CDK19: variants seen among roughly 807,000 people sequenced by gnomAD.
The protein encoded by CDK19 is cyclin-dependent kinase 19.
A neutral mutation model predicts 68.3 loss-of-function variants in CDK19; 20 were observed. The ratio of observed to expected loss-of-function variants is 0.29; its 90% CI spans 0.21 to 0.43. The LOEUF (loss-of-function observed/expected upper bound fraction) is 0.43, where lower values mean the gene tolerates loss of function less well. Among genes scored for constraint, CDK19 ranks in the 20% least tolerant of loss-of-function variants. The probability of loss-of-function intolerance (pLI) is 1.00; values close to 1 mark genes in which losing one functional copy is unlikely to be tolerated. For synonymous variants in CDK19, 221 were observed against 222.8 expected, an observed-to-expected ratio of 0.99 and a Z score of 0.07; for missense variants, 339 against 623.5, an observed-to-expected ratio of 0.54 and a Z score of 4.86.
chr6:110,794,896 T>G (rs189083540), intron 1 of CDK19, among the ~76,000 whole-genome samples: 1 of 152,146 alleles, frequency 6.6e-6, no homozygotes. Flanking sequence ...GTAGAACATA[T>G]CTTTAACATA....
chr6:110,628,984 A>G (rs558910666), intron 6 of CDK19, among the ~76,000 whole-genome samples: 1 of 152,214 alleles, frequency 6.6e-6, no homozygotes, highest in African/African-American at 2.4e-5. Context: ...CTCAGCATCC[A>G]TTTCTGAATT....
At position 110,612,698 on chromosome 6, in the gene CDK19, C is replaced by T. The variant is rs2691197; in HGVS notation, c.*1837G>A. The T allele has an allele frequency of 0.25, 37,920 of 152,186 alleles. 4,947 individuals carry two copies. The highest frequency in any genetic ancestry group is 0.37 in the East Asian group (1,908 of 5,158). The allele number at this position is 152,186 out of a possible 1,614,324, so 9.4% of individuals were successfully genotyped here. On this transcript the variant is annotated 3_prime_UTR_variant, in exon 13 of 13. Transcript: ENST00000368911. ...GGCAGCTACATTATGCAGAGGGCTG[C>T]TAATTTCTTATTTTAAAAAATGGAA...
intron 2 of CDK19, among the ~76,000 whole-genome samples, chr6:110,683,877 A>ATT (rs75226189): frequency 3.0e-5 from 4 of 131,788 alleles, no homozygotes; most frequent in African/African-American, 5.6e-5. Context: ...CATTTTTTGT[A>ATT]TTTTTTTTTT....
At chr6:110,772,425 G>GA (rs1410788216) in intron 1 of CDK19, among the ~76,000 whole-genome samples, 1 of 151,892 alleles carries the variant, frequency 6.6e-6, no homozygotes, top group Non-Finnish European at 1.5e-5. Context: ...CAACACGTGG[G>GA]AATTATGGGA....
intron 4 of CDK19, among the ~76,000 whole-genome samples, chr6:110,652,629 T>C (rs1438115895): frequency 6.6e-6 from 1 of 152,152 alleles, no homozygotes; most frequent in Non-Finnish European, 1.5e-5. Context: ...GAACATAGAT[T>C]ATAAGCTGCT....
intron 2 of CDK19, among the ~76,000 whole-genome samples, chr6:110,684,895 T>G (rs984328830): frequency 6.6e-6 from 1 of 152,154 alleles, no homozygotes; most frequent in Non-Finnish European, 1.5e-5. Context: ...TCCCAGCACT[T>G]TGGGAGGCTG....
chr6:110,789,479 A>G (rs1363895945), intron 1 of CDK19, among the ~76,000 whole-genome samples: 1 of 152,124 alleles, frequency 6.6e-6, no homozygotes, highest in Non-Finnish European at 1.5e-5. Context: ...GGGTTTCAGC[A>G]TGTTGGCCAG....
At chr6:110,750,824 G>T (rs890688310) in intron 1 of CDK19, among the ~76,000 whole-genome samples, 2 of 152,090 alleles carry the variant, frequency 1.3e-5, no homozygotes, top group African/African-American at 2.4e-5. Flanking sequence ...GAAGGAAACA[G>T]TTCTGAAGAT....
chr6:110,705,904 G>T (rs751517263), intron 2 of CDK19, among the ~76,000 whole-genome samples: 39 of 151,898 alleles, frequency 2.6e-4, no homozygotes, highest in Non-Finnish European at 4.9e-4. Flanking sequence ...GTAGATGATG[G>T]GTTGATGGGT....
rs529713505 is a variant in CDK19 at position 110,742,313 on chromosome 6, T to C, written c.204+3813A>G. On this transcript the variant is annotated intron_variant, in intron 2 of 12. Transcript: ENST00000368911. ...AATAATACTCTTATAATTTCTTGTC[T>C]GTCTGTACTTTAATCTCTTAATCCC... Among the ~76,000 whole-genome samples the C allele has an allele frequency of 3.9e-5, 6 of 152,362 alleles. No individual in the cohort carries two copies. The South Asian group carries it at 1.2e-3, about 32-fold the overall frequency.
intron 2 of CDK19, among the ~76,000 whole-genome samples, chr6:110,736,753 A>G (rs1240206862): frequency 6.6e-6 from 1 of 152,222 alleles, no homozygotes; most frequent in Non-Finnish European, 1.5e-5. Context: ...ACCAACAACA[A>G]AAACCAGCAC....
intron 1 of CDK19, among the ~76,000 whole-genome samples, chr6:110,766,879 A>G (rs964197347): frequency 1.3e-5 from 2 of 152,138 alleles, no homozygotes; most frequent in African/African-American, 4.8e-5. Flanking sequence ...TCATGCCTGT[A>G]ATCACAGCAC....
chr6:110,766,157 T>C (rs376066001), intron 1 of CDK19, among the ~76,000 whole-genome samples: 2 of 152,240 alleles, frequency 1.3e-5, no homozygotes, highest in African/African-American at 2.4e-5. Flanking sequence ...CCTATGTTTA[T>C]TGCAGCACTA....
chr6:110,616,004 C>T lies in CDK19; in HGVS notation c.1378-1338G>A, dbSNP rs1778290321. On this transcript the variant is annotated intron_variant, in intron 12 of 12. Coordinates refer to ENST00000368911, the MANE Select transcript of CDK19 (RefSeq NM_015076.5). The stretch of plus-strand genomic sequence containing the variant: ...ATTTTTCACACCCCTTTGATTGCAT[C>T]CCCAACCAAGCAGCAGTAGTCATTC... Among the ~76,000 whole-genome samples the T allele has an allele frequency of 2.6e-5, 4 of 152,126 alleles. No homozygotes were observed. In the South Asian group the frequency reaches 6.2e-4, roughly 24 times the overall value.
At chr6:110,694,826 T>C (rs890585021) in intron 2 of CDK19, among the ~76,000 whole-genome samples, 1 of 152,064 alleles carries the variant, frequency 6.6e-6, no homozygotes, top group Non-Finnish European at 1.5e-5. Context: ...TAAAATAAAA[T>C]TGGAAATTGG....
At chr6:110,785,980 CAA>C (rs200467580) in intron 1 of CDK19, among the ~76,000 whole-genome samples, 9 of 126,646 alleles carry the variant, frequency 7.1e-5, no homozygotes, top group Admixed American at 1.6e-4. Flanking sequence ...AACTCCATCT[CAA>C]AAAAAAAAAA....
chr6:110,797,927 G>C (rs1023549773), intron 1 of CDK19, among the ~76,000 whole-genome samples: 1 of 142,640 alleles, frequency 7.0e-6, no homozygotes, highest in East Asian at 2.0e-4. Flanking sequence ...GGAGGCTGCA[G>C]TGAGCCAAGA....
At chr6:110,798,828 C>T (rs1782139513) in intron 1 of CDK19, among the ~76,000 whole-genome samples, 1 of 151,580 alleles carries the variant, frequency 6.6e-6, no homozygotes. Context: ...TCTACACATC[C>T]TATATGAAAA....
rs573749653 is a variant in CDK19 at position 110,698,474 on chromosome 6, C to A, written c.205-27933G>T. Among the ~76,000 whole-genome samples the A allele has an allele frequency of 2.0e-4, 31 of 152,154 alleles. No homozygotes were observed. The South Asian group carries it at 6.2e-3, about 31-fold the overall frequency. On this transcript the variant is annotated intron_variant, in intron 2 of 12. Coordinates refer to ENST00000368911, the MANE Select transcript of CDK19 (RefSeq NM_015076.5). The stretch of plus-strand genomic sequence containing the variant: ...ACAATGAGATACCACCTTACTTCTG[C>A]AAGAATGGCCATTAAGAAAGCCAAA...
Sources: allele counts gnomAD v4.1 joint callset (sites outside exome capture counted in the v4.1 genomes callset), GRCh38; gene constraint gnomAD v4.1.1; transcripts MANE v1.5; gene names NCBI Gene and HGNC (gene_info 2026-07-23, HGNC 2026-07-21).